The following IGFL2 variants were observed in gnomAD, a reference collection of about 807,000 sequenced individuals.
IGFL2 encodes insulin growth factor-like family member 2.
In IGFL2, 7 loss-of-function variants were observed where a neutral mutation model predicts 13.9. The ratio of observed to expected loss-of-function variants is 0.51; its 90% CI spans 0.29 to 0.95. The LOEUF is 0.95. Among genes scored for constraint, IGFL2 ranks in the 40% least tolerant of loss-of-function variants. IGFL2 has a pLI of 0.08. For missense variants in IGFL2, 138 were observed against 147.8 expected (o/e 0.93, Z 0.34); for synonymous variants, 55 against 55.8 (o/e 0.99, Z 0.07).
At chr19:46,120,938 A>G in the IGFL2 span, among the ~76,000 whole-genome samples, 1 of 150,964 alleles carries the variant, frequency 6.6e-6, no homozygotes, top group Non-Finnish European at 1.5e-5. Flanking sequence ...ATAATTTGTC[A>G]ATTTAAATTA....
chr19:46,170,094 G>A, the IGFL2 span, among the ~76,000 whole-genome samples: 2 of 151,956 alleles, frequency 1.3e-5, no homozygotes, highest in Non-Finnish European at 2.9e-5. Context: ...GCACCATATG[G>A]GAGATATGAA....
chr19:46,158,952 C>T (rs1329255074), intron 1 of IGFL2: 1 of 152,208 alleles, frequency 6.6e-6, no homozygotes, highest in Non-Finnish European at 1.5e-5. Context: ...CTGCTGCCTT[C>T]CTCATAGGCA....
At chr19:46,106,484 G>A in the IGFL2 span, among the ~76,000 whole-genome samples, 1 of 152,194 alleles carries the variant, frequency 6.6e-6, no homozygotes, top group Non-Finnish European at 1.5e-5. Flanking sequence ...CCAAGTGAAA[G>A]TGAAGAGAGG....
At chr19:46,210,396 G>A in the IGFL2 span, 1 of 152,244 alleles carries the variant, frequency 6.6e-6, no homozygotes, top group Non-Finnish European at 1.5e-5. Context: ...GCCAGGGAAG[G>A]TGTATTAATC....
the IGFL2 span, among the ~76,000 whole-genome samples, chr19:46,206,555 T>C: frequency 6.6e-6 from 1 of 152,182 alleles, no homozygotes; most frequent in Non-Finnish European, 1.5e-5. Context: ...GAGGCGAGCT[T>C]ATACCCAGAG....
chr19:46,163,439 C>T (rs1009146489), downstream of IGFL2, among the ~76,000 whole-genome samples: 2 of 152,264 alleles, frequency 1.3e-5, no homozygotes, highest in South Asian at 4.1e-4. Context: ...GCATCTGTGC[C>T]GTGGGTCCAT....
the IGFL2 span, chr19:46,203,035 G>C: frequency 6.6e-6 from 1 of 152,366 alleles, no homozygotes; most frequent in Middle Eastern, 3.4e-3. Context: ...CAACAAGACT[G>C]TTTATTTTAC....
At chr19:46,102,395 AC>A in the IGFL2 span, among the ~76,000 whole-genome samples, 22 of 152,220 alleles carry the variant, frequency 1.4e-4, no homozygotes, top group Non-Finnish European at 2.6e-4. Context: ...GGTGGATCTT[AC>A]AAAGTATATT....
chr19:46,129,708 T>C, the IGFL2 span, among the ~76,000 whole-genome samples: 1 of 152,154 alleles, frequency 6.6e-6, no homozygotes, highest in Non-Finnish European at 1.5e-5. Context: ...AATTTGATTG[T>C]GCTATGGTCT....
the IGFL2 span, among the ~76,000 whole-genome samples, chr19:46,104,173 T>C: frequency 8.5e-5 from 13 of 152,234 alleles, no homozygotes; most frequent in East Asian, 2.5e-3. Context: ...AGGGCTGGTG[T>C]CTGGGGCAAG....
chr19:46,109,337 C>T, the IGFL2 span, among the ~76,000 whole-genome samples: 3 of 147,818 alleles, frequency 2.0e-5, no homozygotes, highest in African/African-American at 5.0e-5. Context: ...TTTTTTTTGA[C>T]GGAGTCTTGC....
chr19:46,149,175 CTTCTCTCTCTCT>C (rs1568424208), intron 1 of IGFL2: 53 of 564,680 alleles, frequency 9.4e-5, no homozygotes, highest in South Asian at 8.6e-4. Flanking sequence ...CTCTCTCTCT[CTTCTCTCTCTCT>C]TTCTCTCTCC....
At chr19:46,139,272 C>T (rs1242527482), upstream of IGFL2, among the ~76,000 whole-genome samples, 1 of 150,904 alleles carries the variant, frequency 6.6e-6, no homozygotes, top group African/African-American at 2.4e-5. Context: ...GATGGTCAGT[C>T]CCTTGGTGGG....
At chr19:46,187,514 A>C in the IGFL2 span, among the ~76,000 whole-genome samples, 20 of 133,422 alleles carry the variant, frequency 1.5e-4, no homozygotes, top group Admixed American at 4.4e-4. Context: ...GGTGTGTGCT[A>C]CCTGATCAGA....
chr19:46,111,151 C>G, the IGFL2 span: 1 of 152,674 alleles, frequency 6.5e-6, no homozygotes, highest in African/African-American at 2.4e-5. Context: ...ATTATAAAAT[C>G]CAGTTCTTAG....
the IGFL2 span, among the ~76,000 whole-genome samples, chr19:46,106,427 A>G: frequency 6.6e-6 from 1 of 152,244 alleles, no homozygotes; most frequent in African/African-American, 2.4e-5. Flanking sequence ...GCCTTGTGGC[A>G]GTACAGCCCA....
At chr19:46,161,934 G>A (rs139515249), downstream of IGFL2, among the ~76,000 whole-genome samples, 2,677 of 152,288 alleles carry the variant, frequency 0.018, 67 homozygotes, top group Non-Finnish European at 0.023. Flanking sequence ...GTTTAAGTGT[G>A]TTTTTGTATT....
the IGFL2 span, among the ~76,000 whole-genome samples, chr19:46,133,764 G>C: frequency 1.8e-4 from 28 of 152,300 alleles, 1 homozygote; most frequent in East Asian, 5.0e-3. Context: ...TCCCTCTGAA[G>C]AGGAACCTCT....
the IGFL2 span, chr19:46,124,008 C>A: frequency 6.2e-7 from 1 of 1,611,526 alleles, no homozygotes; most frequent in African/African-American, 1.4e-5. Flanking sequence ...CAAAGCAGGG[C>A]CAGAAGGTGC....
Sources: allele counts gnomAD v4.1 joint callset (sites outside exome capture counted in the v4.1 genomes callset), GRCh38; gene constraint gnomAD v4.1.1; transcripts MANE v1.5; gene names NCBI Gene and HGNC (gene_info 2026-07-23, HGNC 2026-07-21).